SH3RF3: variants seen among roughly 807,000 people sequenced by gnomAD.
The protein encoded by SH3RF3 is SH3 domain containing ring finger 3, also known as E3 ubiquitin-protein ligase SH3RF3.
In SH3RF3, 29 loss-of-function variants were observed where a neutral mutation model predicts 66.3. The observed-to-expected ratio is 0.44, with a 90% confidence interval of 0.33 to 0.60. SH3RF3 has a LOEUF of 0.60. Among genes scored for constraint, SH3RF3 ranks in the 20% least tolerant of loss-of-function variants. The probability of loss-of-function intolerance (pLI) is 0.04; values close to 1 mark genes in which losing one functional copy is unlikely to be tolerated. For missense variants in SH3RF3, 1,194 were observed against 1,190.9 expected (o/e 1.00, Z -0.04); for synonymous variants, 583 against 532.0 (o/e 1.10, Z -1.32).
intron 7 of SH3RF3, among the ~76,000 whole-genome samples, chr2:109,445,950 C>T (rs13411596): frequency 0.015 from 2,294 of 152,126 alleles, 61 homozygotes; most frequent in African/African-American, 0.053. Flanking sequence ...GAAGCTGCAG[C>T]GGGACTGAAA....
At chr2:109,197,861 T>C (rs1284771933) in intron 1 of SH3RF3, among the ~76,000 whole-genome samples, 4 of 152,244 alleles carry the variant, frequency 2.6e-5, no homozygotes, top group Non-Finnish European at 5.9e-5. Context: ...GCCTTACTTT[T>C]GCTTTTTGCA....
At chr2:109,343,666 G>T (rs1682610444) in intron 1 of SH3RF3, among the ~76,000 whole-genome samples, 1 of 151,896 alleles carries the variant, frequency 6.6e-6, no homozygotes. Context: ...CAGCAGGTGG[G>T]TTACCACCTG....
At chr2:109,288,439 G>A (rs1055741566) in intron 1 of SH3RF3, among the ~76,000 whole-genome samples, 3 of 152,292 alleles carry the variant, frequency 2.0e-5, no homozygotes, top group East Asian at 1.9e-4. Flanking sequence ...TTTAAAACCC[G>A]ATAAAGCCAG....
intron 5 of SH3RF3, among the ~76,000 whole-genome samples, chr2:109,428,666 G>A (rs1207869170): frequency 6.6e-6 from 1 of 152,204 alleles, no homozygotes; most frequent in Non-Finnish European, 1.5e-5. Context: ...AAGGCTCTCT[G>A]ATCCTAAAAT....
At chr2:109,304,457 G>A (rs577659179) in intron 1 of SH3RF3, among the ~76,000 whole-genome samples, 25 of 152,218 alleles carry the variant, frequency 1.6e-4, no homozygotes, top group Admixed American at 1.0e-3. Flanking sequence ...CACGTTGTCT[G>A]CTAGGGGTTC....
intron 1 of SH3RF3, among the ~76,000 whole-genome samples, chr2:109,223,926 TG>T (rs1679312731): frequency 6.6e-6 from 1 of 152,162 alleles, no homozygotes; most frequent in Admixed American, 6.5e-5. Flanking sequence ...CACTTGAGCC[TG>T]GGGGGTGTGG....
Position 109,295,190 on chromosome 2 carries a change from A to C in SH3RF3, c.574-52484A>C, listed in dbSNP as rs999682226. On this transcript the variant is annotated intron_variant, in intron 1 of 9. Coordinates refer to ENST00000309415, the MANE Select transcript of SH3RF3 (RefSeq NM_001099289.3). ...TGCCTGCCCCTCTCCACCCCTGTCC[A>C]GTGATGAGCGAGCTCATGGCAGGCA... 5.3e-5 allele frequency among the ~76,000 whole-genome samples: 8 copies of C among 152,336 alleles called. No homozygotes were observed. In the East Asian group the frequency reaches 5.8e-4, roughly 11 times the overall value.
intron 2 of SH3RF3, among the ~76,000 whole-genome samples, chr2:109,361,583 C>T (rs944350896): frequency 1.3e-5 from 2 of 152,196 alleles, no homozygotes; most frequent in African/African-American, 4.8e-5. Flanking sequence ...AAGCAATTCT[C>T]CTGCCTCAGC....
At chr2:109,271,111 G>T (rs543234028) in intron 1 of SH3RF3, among the ~76,000 whole-genome samples, 1 of 152,168 alleles carries the variant, frequency 6.6e-6, no homozygotes, top group African/African-American at 2.4e-5. Context: ...CCCAGCCAGC[G>T]AACGGGGCGA....
intron 1 of SH3RF3, among the ~76,000 whole-genome samples, chr2:109,338,393 C>T (rs938239145): frequency 2.0e-5 from 3 of 151,978 alleles, no homozygotes; most frequent in African/African-American, 4.8e-5. Flanking sequence ...TAACACAGGC[C>T]TCCTTCCTTT....
intron 5 of SH3RF3, among the ~76,000 whole-genome samples, chr2:109,432,241 G>A (rs150540589): frequency 1.4e-4 from 22 of 152,294 alleles, no homozygotes; most frequent in African/African-American, 3.4e-4. Flanking sequence ...TGGGCAGGTG[G>A]AATCCTCCTA....
chr2:109,172,343 G>A lies in SH3RF3; in HGVS notation c.573+42230G>A, dbSNP rs117240462. 3.0e-4 allele frequency among the ~76,000 whole-genome samples: 45 copies of A among 152,320 alleles called. 1 individual carries two copies. The East Asian group carries it at 7.7e-3, about 26-fold the overall frequency. ...ACAGCGTGGAAATGCGCGAGCCAGC[G>A]GTCAAACCCCTCTTCACCATGCACG... is the stretch of plus-strand genomic sequence containing the variant. On this transcript the variant is annotated intron_variant, in intron 1 of 9. Coordinates refer to ENST00000309415, the MANE Select transcript of SH3RF3 (RefSeq NM_001099289.3).
At chr2:109,449,515 C>T (rs1221320431) in intron 8 of SH3RF3, 26 bp downstream of exon 8, 4 of 1,608,240 alleles carry the variant, frequency 2.5e-6, no homozygotes, top group Admixed American at 1.7e-5. Flanking sequence ...TGGACGAGCC[C>T]TGGGCTCGAG....
Position 109,170,945 on chromosome 2 carries a change from C to T in SH3RF3, c.573+40832C>T, listed in dbSNP as rs78600359. Among the ~76,000 whole-genome samples, 1,448 of 152,280 alleles carry T rather than the reference C, an allele frequency of 9.5e-3. 32 individuals are homozygous for T. The highest frequency in any genetic ancestry group is 0.033 in the African/African-American group (1,352 of 41,546). ...GCTGTTGCCTGCAGGTAGCCCACACCGGGCTGGGTGCTGAGGCACAGAGGC... is the reference window on the plus strand; with the variant it reads ...GCTGTTGCCTGCAGGTAGCCCACACTGGGCTGGGTGCTGAGGCACAGAGGC... On this transcript the variant is annotated intron_variant, in intron 1 of 9. Transcript: ENST00000309415.
At chr2:109,432,159 G>A (rs1026570263) in intron 5 of SH3RF3, among the ~76,000 whole-genome samples, 1 of 152,214 alleles carries the variant, frequency 6.6e-6, no homozygotes, top group South Asian at 2.1e-4. Context: ...CTGGCCCTGG[G>A]ATGCAGTTCA....
chr2:109,343,575 A>AGCCCCCAT (rs1451535472), intron 1 of SH3RF3, among the ~76,000 whole-genome samples: 1 of 151,944 alleles, frequency 6.6e-6, no homozygotes, highest in African/African-American at 2.4e-5. Context: ...GCCCCACCTG[A>AGCCCCCAT]GCCCCCATGC....
At chr2:109,501,323 A>C (rs910271485) in intron 9 of SH3RF3, among the ~76,000 whole-genome samples, 180 bp from the exon 10 acceptor site, 1 of 152,172 alleles carries the variant, frequency 6.6e-6, no homozygotes, top group Non-Finnish European at 1.5e-5. Flanking sequence ...AATTTTTTTT[A>C]TTAAAAAATG....
At chr2:109,274,559 G>GGTAT (rs1239739274) in intron 1 of SH3RF3, among the ~76,000 whole-genome samples, 2 of 152,194 alleles carry the variant, frequency 1.3e-5, no homozygotes, top group Non-Finnish European at 2.9e-5. Context: ...TGATTTCATT[G>GGTAT]GTATGAAGTA....
At chr2:109,215,270 C>T (rs1679081190) in intron 1 of SH3RF3, among the ~76,000 whole-genome samples, 2 of 152,120 alleles carry the variant, frequency 1.3e-5, no homozygotes, top group Admixed American at 6.5e-5. Flanking sequence ...GGGGAGAAGG[C>T]CACTTTGGGT....
Sources: gnomAD v4.1 joint callset for allele counts (sites outside exome capture counted in the v4.1 genomes callset) on GRCh38, gnomAD v4.1.1 for gene constraint, MANE v1.5 for transcripts, NCBI Gene and HGNC (gene_info 2026-07-23, HGNC 2026-07-21) for gene names.